The following CUL2 variants were observed in gnomAD, a reference collection of about 807,000 sequenced individuals.
CUL2 encodes cullin 2, also known as cullin-2.
Under a neutral mutation model 110.2 loss-of-function variants are expected in CUL2, and 22 were observed. The ratio of observed to expected loss-of-function variants is 0.20; its 90% CI spans 0.14 to 0.28. The LOEUF (loss-of-function observed/expected upper bound fraction) is 0.28, where lower values mean the gene tolerates loss of function less well. Among genes scored for constraint, CUL2 ranks in the 10% least tolerant of loss-of-function variants. The pLI, the probability that CUL2 is intolerant of heterozygous loss-of-function variation, is 1.00. For synonymous variants in CUL2, 279 were observed against 293.2 expected (o/e 0.95, Z 0.49); for missense variants, 631 against 905.5 (o/e 0.70, Z 3.89).
chr10:35,066,038 T>C lies in CUL2; in HGVS notation c.120-2976A>G, dbSNP rs151254883. 4.7e-3 allele frequency among the ~76,000 whole-genome samples: 715 copies of C among 152,310 alleles called. 6 individuals carry two copies. The highest frequency in any genetic ancestry group is 8.2e-3 in the Non-Finnish European group (555 of 68,030). On this transcript the variant is annotated intron_variant, in intron 2 of 20. Transcript: ENST00000374749. ...TAAGCTGTTCCAGAATGAAAGCTCA[T>C]AGCTGCAACCAAAAGACAGTCCTAA...
intron 1 of CUL2, among the ~76,000 whole-genome samples, chr10:35,107,119 C>T (rs537123655): frequency 3.9e-5 from 6 of 152,160 alleles, no homozygotes; most frequent in African/African-American, 7.2e-5. Context: ...GGACTACATG[C>T]GCCCACCACC....
intron 2 of CUL2, among the ~76,000 whole-genome samples, chr10:35,068,314 C>T (rs1177251249): frequency 6.6e-6 from 1 of 151,774 alleles, no homozygotes; most frequent in Admixed American, 6.6e-5. Flanking sequence ...CCCAGACACT[C>T]GGGAGGCTGA....
chr10:35,050,585 C>T (rs1474481941), intron 5 of CUL2, among the ~76,000 whole-genome samples: 2 of 152,122 alleles, frequency 1.3e-5, no homozygotes, highest in African/African-American at 4.8e-5. Context: ...CCCAGATATC[C>T]TCCTCCTTTC....
chr10:35,062,183 TG>T (rs2086400678), intron 3 of CUL2, among the ~76,000 whole-genome samples: 1 of 152,202 alleles, frequency 6.6e-6, no homozygotes, highest in African/African-American at 2.4e-5. Context: ...CAAAATTCAC[TG>T]TTTATACACA....
chr10:35,096,440 A>G (rs1370089630), intron 2 of CUL2, among the ~76,000 whole-genome samples: 2 of 151,872 alleles, frequency 1.3e-5, no homozygotes, highest in Non-Finnish European at 2.9e-5. Flanking sequence ...CCCTGTCTCT[A>G]TGAAAAATAA....
intron 1 of CUL2, among the ~76,000 whole-genome samples, chr10:35,078,469 AT>A (rs961848345): frequency 8.3e-4 from 120 of 145,220 alleles, no homozygotes; most frequent in African/African-American, 1.4e-3. Context: ...GTAATTTTGT[AT>A]TTTTTTTTTT....
intron 1 of CUL2, among the ~76,000 whole-genome samples, chr10:35,078,313 G>A (rs973158712): frequency 8.6e-6 from 1 of 115,798 alleles, no homozygotes. Context: ...TTTTTTTTTT[G>A]AGATGGAGTT....
chr10:35,100,304 G>T (rs1008442093), intron 2 of CUL2, among the ~76,000 whole-genome samples: 7 of 152,002 alleles, frequency 4.6e-5, no homozygotes, highest in African/African-American at 1.7e-4. Context: ...AAATAAAAAA[G>T]GATAAATCTG....
chr10:35,076,571 G>A lies in CUL2; in HGVS notation c.-22-5232C>T, dbSNP rs117508928. On this transcript the variant is annotated intron_variant, in intron 1 of 20. Coordinates refer to ENST00000374749, the MANE Select transcript of CUL2 (RefSeq NM_003591.4). ...TCTCAATCTCTCTCCCACCACTCCCGTGTACGACCTCATTGCCACCTCCCA... is the reference window on the plus strand; with the variant it reads ...TCTCAATCTCTCTCCCACCACTCCCATGTACGACCTCATTGCCACCTCCCA... 5.0e-3 allele frequency among the ~76,000 whole-genome samples: 757 copies of A among 152,150 alleles called. 37 individuals carry two copies. The East Asian group carries it at 0.11, about 23-fold the overall frequency.
At chr10:35,027,334 C>T (rs1030008079) in intron 16 of CUL2, among the ~76,000 whole-genome samples, 4 of 151,820 alleles carry the variant, frequency 2.6e-5, no homozygotes, top group Non-Finnish European at 2.9e-5. Context: ...TTAGTAGAGA[C>T]GGGGTTTCAC....
In CUL2 at chr10:35,073,524, G is replaced by A. The variant is rs111822105; in HGVS notation, c.-22-2185C>T. ...TAGTCTAAGTACCCTGTACAAACTC[G>A]TTTAATCCTCCCAACATTCTGACAG... On this transcript the variant is annotated intron_variant, in intron 1 of 20. Coordinates refer to ENST00000374749, the MANE Select transcript of CUL2 (RefSeq NM_003591.4). Among the ~76,000 whole-genome samples, 869 of 151,660 alleles carry A rather than the reference G, an allele frequency of 5.7e-3. 11 individuals carry two copies. Among genetic ancestry groups the A allele is most frequent in the African/African-American group, 0.02 (816 of 41,332 alleles).
At chr10:35,069,022 C>T (rs1322784282) in intron 2 of CUL2, among the ~76,000 whole-genome samples, 1 of 152,086 alleles carries the variant, frequency 6.6e-6, no homozygotes, top group Non-Finnish European at 1.5e-5. Flanking sequence ...GCACCCACAA[C>T]CACGCCCAGC....
intron 1 of CUL2, among the ~76,000 whole-genome samples, chr10:35,115,389 G>A (rs1224336661): frequency 6.7e-6 from 1 of 149,972 alleles, no homozygotes; most frequent in Non-Finnish European, 1.5e-5. Flanking sequence ...ATGAAACCCC[G>A]TCTCTACTAA....
chr10:35,125,796 TA>T (rs2087770893), intron 1 of CUL2, among the ~76,000 whole-genome samples: 1 of 152,228 alleles, frequency 6.6e-6, no homozygotes, highest in Admixed American at 6.5e-5. Flanking sequence ...CTGTACTCTA[TA>T]ACCATGCTGC....
At chr10:35,093,594 TG>T (rs1384304928), upstream of CUL2, among the ~76,000 whole-genome samples, 1 of 141,056 alleles carries the variant, frequency 7.1e-6, no homozygotes, top group African/African-American at 2.7e-5. Context: ...GGGAGGCAGA[TG>T]TTGCAGTGAG....
intron 16 of CUL2, among the ~76,000 whole-genome samples, chr10:35,026,532 T>C (rs183499988): frequency 1.3e-5 from 2 of 152,336 alleles, no homozygotes; most frequent in Non-Finnish European, 1.5e-5. Context: ...TTAAAAGGTA[T>C]ATTCCAAGCT....
At chr10:35,076,570 C>T (rs1051336202) in intron 1 of CUL2, among the ~76,000 whole-genome samples, 11 of 152,084 alleles carry the variant, frequency 7.2e-5, no homozygotes, top group Admixed American at 4.6e-4. Flanking sequence ...CCACCACTCC[C>T]GTGTACGACC....
At chr10:35,107,734 T>C (rs1387110883) in intron 1 of CUL2, among the ~76,000 whole-genome samples, 2 of 151,512 alleles carry the variant, frequency 1.3e-5, no homozygotes, top group South Asian at 4.2e-4. Flanking sequence ...TACAAAAAAT[T>C]AGCCAGGCGT....
chr10:35,019,293 A>G (rs553870104), intron 17 of CUL2, among the ~76,000 whole-genome samples: 3 of 152,284 alleles, frequency 2.0e-5, no homozygotes, highest in Admixed American at 2.0e-4. Flanking sequence ...CACGAGACCC[A>G]AAGAGCATTA....
Sources: allele counts gnomAD v4.1 joint callset (sites outside exome capture counted in the v4.1 genomes callset), GRCh38; gene constraint gnomAD v4.1.1; transcripts MANE v1.5; gene names NCBI Gene and HGNC (gene_info 2026-07-23, HGNC 2026-07-21).